RALGAPA1: variants seen among roughly 807,000 people sequenced by gnomAD.
RALGAPA1 encodes the protein Ral GTPase activating protein catalytic subunit alpha 1, also known as ral GTPase-activating protein subunit alpha-1.
RALGAPA1 carries 52 observed loss-of-function variants against 269.6 expected under a neutral mutation model. That is an observed-to-expected ratio of 0.19 (90% CI 0.15 to 0.24). RALGAPA1 has a LOEUF of 0.24. Among genes scored for constraint, RALGAPA1 ranks in the 10% least tolerant of loss-of-function variants. The pLI is 1.00. For missense variants in RALGAPA1, 1,917 were observed against 3,013.9 expected (o/e 0.64, Z 8.52); for synonymous variants, 817 against 1,008.3 (o/e 0.81, Z 3.60).
At chr14:35,559,810 T>A (rs1160640867) in intron 39 of RALGAPA1, among the ~76,000 whole-genome samples, 1 of 152,252 alleles carries the variant, frequency 6.6e-6, no homozygotes, top group African/African-American at 2.4e-5. Context: ...TGTAAAAGTG[T>A]AATAATGTGT....
chr14:35,648,317 T>A (rs532910986), intron 31 of RALGAPA1, among the ~76,000 whole-genome samples: 1 of 147,000 alleles, frequency 6.8e-6, no homozygotes, highest in East Asian at 2.0e-4. Context: ...AAAAAAAAAA[T>A]TAGTTGGGCA....
At chr14:35,676,340 T>C (rs1444669061) in intron 22 of RALGAPA1, 3 of 152,052 alleles carry the variant, frequency 2.0e-5, no homozygotes. Context: ...GCCTACCGAG[T>C]AGCTGGGATG....
intron 22 of RALGAPA1, 117 bp from the exon 23 acceptor site, chr14:35,674,826 T>C: frequency 1.8e-6 from 1 of 545,086 alleles, no homozygotes; most frequent in Non-Finnish European, 3.2e-6. Flanking sequence ...AAAAGAAATG[T>C]CAACATACAT....
intron 1 of RALGAPA1, among the ~76,000 whole-genome samples, chr14:35,778,121 C>T (rs2075172826): frequency 6.6e-6 from 1 of 152,080 alleles, no homozygotes; most frequent in South Asian, 2.1e-4. Context: ...AGTGCTGTGG[C>T]ATGATTACAA....
chr14:35,681,939 C>T (rs2065480608), intron 21 of RALGAPA1, among the ~76,000 whole-genome samples: 1 of 152,262 alleles, frequency 6.6e-6, no homozygotes, highest in African/African-American at 2.4e-5. Flanking sequence ...TCATTTAGCA[C>T]ATTTTCAAGA....
At chr14:35,726,274 CA>C (rs1400055160) in intron 13 of RALGAPA1, among the ~76,000 whole-genome samples, 1 of 152,114 alleles carries the variant, frequency 6.6e-6, no homozygotes, top group Non-Finnish European at 1.5e-5. Context: ...CAAATGCATG[CA>C]TTTATTCACG....
chr14:35,613,666 T>A (rs1174441699), intron 35 of RALGAPA1, among the ~76,000 whole-genome samples: 1 of 152,190 alleles, frequency 6.6e-6, no homozygotes, highest in African/African-American at 2.4e-5. Flanking sequence ...CATCTCTACA[T>A]ACCCATCTTT....
chr14:35,768,674 A>C (rs1234063207), intron 4 of RALGAPA1, among the ~76,000 whole-genome samples: 1 of 151,930 alleles, frequency 6.6e-6, no homozygotes, highest in Non-Finnish European at 1.5e-5. Context: ...CAGCCTGGTG[A>C]CTGAATAAGA....
chr14:35,664,507 G>T, intron 27 of RALGAPA1, 135 bp downstream of exon 27: 1 of 703,964 alleles, frequency 1.4e-6, no homozygotes, highest in Non-Finnish European at 2.3e-6. Context: ...AAGCCTTTGT[G>T]TCTGGAGGAT....
chr14:35,588,742 C>T (rs1199398231), intron 37 of RALGAPA1, among the ~76,000 whole-genome samples: 1 of 152,146 alleles, frequency 6.6e-6, no homozygotes, highest in Non-Finnish European at 1.5e-5. Context: ...ATCCAGCAAT[C>T]CCCCTACTGG....
intron 1 of RALGAPA1, among the ~76,000 whole-genome samples, chr14:35,777,674 T>C (rs2075136268): frequency 6.6e-6 from 1 of 152,166 alleles, no homozygotes; most frequent in Non-Finnish European, 1.5e-5. Context: ...GCGATTCTCC[T>C]GCCTCAGACT....
intron 39 of RALGAPA1, among the ~76,000 whole-genome samples, chr14:35,555,847 C>T (rs1308518754): frequency 6.6e-6 from 1 of 152,060 alleles, no homozygotes; most frequent in Non-Finnish European, 1.5e-5. Context: ...ATCTCAATGA[C>T]CTAGGTGTTG....
chr14:35,676,214 C>G, intron 22 of RALGAPA1: 1 of 143,764 alleles, frequency 7.0e-6, no homozygotes, highest in East Asian at 2.0e-4. Context: ...TGATTAAATT[C>G]TTTTTTTTTT....
chr14:35,568,316 T>C (rs147225546), intron 39 of RALGAPA1, among the ~76,000 whole-genome samples: 2 of 152,266 alleles, frequency 1.3e-5, no homozygotes, highest in African/African-American at 4.8e-5. Flanking sequence ...AATTGGTAAG[T>C]ATAATGAAAT....
chr14:35,774,908 G>T (rs2074903878), intron 3 of RALGAPA1, 98 bp downstream of exon 3: 1 of 739,366 alleles, frequency 1.4e-6, no homozygotes, highest in Non-Finnish European at 2.3e-6. Flanking sequence ...GGCAAATTCA[G>T]AGTGTTTCAT....
intron 5 of RALGAPA1, 59 bp downstream of exon 5, chr14:35,762,651 G>A: frequency 1.1e-6 from 1 of 934,368 alleles, no homozygotes; most frequent in Non-Finnish European, 1.8e-6. Context: ...AGTGTTAACA[G>A]GTGGGATGTA....
At chr14:35,721,889 G>C (rs1442104152) in intron 15 of RALGAPA1, 40 bp from the exon 16 acceptor site, 5 of 1,549,938 alleles carry the variant, frequency 3.2e-6, no homozygotes, top group Middle Eastern at 1.7e-4. Context: ...ACTGTTACTT[G>C]ATCAATAATA....
intron 15 of RALGAPA1, 23 bp downstream of exon 15, chr14:35,723,004 G>A (rs558450629): frequency 5.5e-6 from 8 of 1,450,712 alleles, no homozygotes; most frequent in Middle Eastern, 1.8e-4. Context: ...TTTATATAGA[G>A]CATCTCTATG....
chr14:35,577,844 C>T (rs1367116378), intron 37 of RALGAPA1, among the ~76,000 whole-genome samples: 1 of 152,156 alleles, frequency 6.6e-6, no homozygotes, highest in Admixed American at 6.5e-5. Context: ...AGGATTAAAA[C>T]CTGATTGTCT....
Sources: gnomAD v4.1 joint callset for allele counts (sites outside exome capture counted in the v4.1 genomes callset) on GRCh38, gnomAD v4.1.1 for gene constraint, MANE v1.5 for transcripts, NCBI Gene and HGNC (gene_info 2026-07-23, HGNC 2026-07-21) for gene names.